LUC7L2: variants seen among roughly 807,000 people sequenced by gnomAD.
LUC7L2 encodes the protein putative RNA-binding protein Luc7-like 2.
In LUC7L2, 25 loss-of-function variants were observed where a neutral mutation model predicts 52.8. The ratio of observed to expected loss-of-function variants is 0.47; its 90% CI spans 0.34 to 0.66. LUC7L2 has a LOEUF of 0.66. Among genes scored for constraint, LUC7L2 ranks in the 30% least tolerant of loss-of-function variants. The probability of loss-of-function intolerance (pLI) is 0.01; values close to 1 mark genes in which losing one functional copy is unlikely to be tolerated. For synonymous variants in LUC7L2, 144 were observed against 160.9 expected, an observed-to-expected ratio of 0.89 and a Z score of 0.80; for missense variants, 328 against 497.8, an observed-to-expected ratio of 0.66 and a Z score of 3.25.
chr7:139,392,861 T>C (rs1386453696), intron 2 of LUC7L2, among the ~76,000 whole-genome samples: 1 of 151,954 alleles, frequency 6.6e-6, no homozygotes, highest in East Asian at 1.9e-4. Context: ...TCCATGTTGG[T>C]CAGGCTGTTC....
chr7:139,394,987 T>G (rs941230808), intron 2 of LUC7L2, among the ~76,000 whole-genome samples: 2 of 152,184 alleles, frequency 1.3e-5, no homozygotes, highest in Non-Finnish European at 2.9e-5. Context: ...TTGGGACTGT[T>G]TTTTAAAAGC....
Position 139,360,133 on chromosome 7 carries a change from G to T in LUC7L2, c.-129G>T. 1.6e-6 allele frequency: 1 copy of T among 635,104 alleles called. No individual in the cohort carries two copies. The highest frequency in any genetic ancestry group is 2.7e-6 in the Non-Finnish European group (1 of 374,084). 39.3% of individuals were successfully genotyped at this position (635,104 alleles called of 1,614,324 possible). A position where few individuals can be genotyped will look rare whatever the true frequency, so the allele number is the denominator to read the frequency against. The stretch of plus-strand genomic sequence containing the variant: ...CCGCAACCCCTCCGGCTCCCTTTCC[G>T]CACGCCTCGAGGCGGCGGCGGCCAC... On this transcript the variant is annotated 5_prime_UTR_variant, in exon 1 of 10. Coordinates refer to ENST00000354926, the MANE Select transcript of LUC7L2 (RefSeq NM_016019.5).
intron 7 of LUC7L2, among the ~76,000 whole-genome samples, chr7:139,411,736 C>G (rs532629391): frequency 6.6e-6 from 1 of 152,240 alleles, no homozygotes; most frequent in African/African-American, 2.4e-5. Flanking sequence ...AGTAGAGTAT[C>G]TCATTTCATT....
chr7:139,371,661 T>C (rs1800457596), intron 1 of LUC7L2, among the ~76,000 whole-genome samples: 1 of 152,140 alleles, frequency 6.6e-6, no homozygotes, highest in Non-Finnish European at 1.5e-5. Context: ...AATTTAAGTG[T>C]TAATATAAGT....
chr7:139,376,094 G>T lies in LUC7L2; in HGVS notation c.94G>T (p.Asp32Tyr). ...DTTRQRIKFS[D>Y]DRVCKSHLLN... The stretch of plus-strand genomic sequence containing the variant: ...AACTCGTCAACGAATCAAATTCAGT[G>T]ATGACAGAGTATGCAAGAGTCACCT... The change falls in exon 2 of 10, where the codon GAT (aspartate) becomes TAT (tyrosine). Residue 32 changes from aspartate (D) to tyrosine (Y), a missense_variant. Asp to Tyr is a radical substitution (Grantham distance 160). Transcript: ENST00000354926. 1.9e-6 allele frequency: 3 copies of T among 1,613,846 alleles called. No individual in the cohort carries two copies. The highest frequency in any genetic ancestry group is 1.7e-6 in the Non-Finnish European group (2 of 1,179,884).
At chr7:139,408,578 T>C (rs1276600845) in intron 6 of LUC7L2, among the ~76,000 whole-genome samples, 1 of 152,224 alleles carries the variant, frequency 6.6e-6, no homozygotes, top group Non-Finnish European at 1.5e-5. Context: ...GCGCAGTGGC[T>C]CACGCCTGTA....
intron 2 of LUC7L2, among the ~76,000 whole-genome samples, chr7:139,378,940 A>C (rs1800850128): frequency 6.6e-6 from 1 of 152,224 alleles, no homozygotes; most frequent in Non-Finnish European, 1.5e-5. Context: ...GGCAGGAGCC[A>C]CTGTGCCTGG....
Position 139,373,750 on chromosome 7 carries a change from CTGA to C in LUC7L2, c.62-2308_62-2306del, listed in dbSNP as rs542455653. ...GTTAAGCACAAATCAGTTACTCTGC[CTGA>C]TGAAATGTTTGATTAGTAAAACTCC... On this transcript the variant is annotated intron_variant, in intron 1 of 9. Coordinates refer to ENST00000354926, the MANE Select transcript of LUC7L2 (RefSeq NM_016019.5). Among the ~76,000 whole-genome samples the C allele has an allele frequency of 4.1e-4, 62 of 152,262 alleles. 1 individual carries two copies. The East Asian group carries it at 0.01, about 26-fold the overall frequency.
intron 1 of LUC7L2, among the ~76,000 whole-genome samples, chr7:139,360,734 C>T (rs1408711154): frequency 6.6e-6 from 1 of 152,196 alleles, no homozygotes; most frequent in African/African-American, 2.4e-5. Context: ...TCGCCGCCGT[C>T]CTCCAGAGTA....
intron 4 of LUC7L2, among the ~76,000 whole-genome samples, chr7:139,403,422 T>C (rs1363992130): frequency 1.3e-5 from 2 of 152,230 alleles, no homozygotes; most frequent in South Asian, 2.1e-4. Context: ...AGGTGGAGTT[T>C]AGATGACAGT....
chr7:139,394,395 C>G (rs1794575271), intron 2 of LUC7L2, among the ~76,000 whole-genome samples: 1 of 152,156 alleles, frequency 6.6e-6, no homozygotes, highest in Non-Finnish European at 1.5e-5. Context: ...CTACTCTCAC[C>G]AAAAAGTCCA....
At chr7:139,405,930 T>A in intron 5 of LUC7L2, 143 bp downstream of exon 5, 2 of 1,294,306 alleles carry the variant, frequency 1.5e-6, no homozygotes, top group South Asian at 4.3e-5. Flanking sequence ...AAAGAGAAGT[T>A]GAACTAAAAG....
At chr7:139,406,512 C>A (rs1474331633) in intron 5 of LUC7L2, among the ~76,000 whole-genome samples, 1 of 151,702 alleles carries the variant, frequency 6.6e-6, no homozygotes, top group Non-Finnish European at 1.5e-5. Flanking sequence ...ACCACCATGC[C>A]CGGCTAATTT....
chr7:139,392,128 T>G (rs1794473617), intron 2 of LUC7L2, among the ~76,000 whole-genome samples: 1 of 152,210 alleles, frequency 6.6e-6, no homozygotes, highest in Non-Finnish European at 1.5e-5. Context: ...AAACCTCTGT[T>G]GAGAGGCTCT....
intron 4 of LUC7L2, 132 bp downstream of exon 4, chr7:139,402,379 C>T: frequency 1.2e-6 from 1 of 844,536 alleles, no homozygotes. Flanking sequence ...ACTTTCTTGT[C>T]TGCCCCAGTG....
chr7:139,341,428 T>A (rs1798954252), intron 1 of LUC7L2: 1 of 1,613,598 alleles, frequency 6.2e-7, no homozygotes, highest in Non-Finnish European at 8.5e-7. Flanking sequence ...CGAGGACTTC[T>A]GCGGGAGTTG....
At chr7:139,354,630 G>C (rs1205780220) in intron 1 of LUC7L2, among the ~76,000 whole-genome samples, 1 of 152,174 alleles carries the variant, frequency 6.6e-6, no homozygotes, top group African/African-American at 2.4e-5. Context: ...CCAAAGTGCT[G>C]GGATTATAGG....
chr7:139,418,648 A>C (rs1188678974), intron 9 of LUC7L2, among the ~76,000 whole-genome samples: 1 of 152,144 alleles, frequency 6.6e-6, no homozygotes, highest in Non-Finnish European at 1.5e-5. Context: ...ATCACTCACA[A>C]GCTGAGTTTG....
chr7:139,381,786 G>C (rs1801037882), intron 2 of LUC7L2, among the ~76,000 whole-genome samples: 1 of 151,808 alleles, frequency 6.6e-6, no homozygotes, highest in African/African-American at 2.4e-5. Context: ...TTGTTGGTCA[G>C]GCTGGTCTCG....
Sources: allele counts gnomAD v4.1 joint callset (sites outside exome capture counted in the v4.1 genomes callset), GRCh38; gene constraint gnomAD v4.1.1; transcripts MANE v1.5; gene names NCBI Gene and HGNC (gene_info 2026-07-23, HGNC 2026-07-21).